The following CCDC159 variants were observed in gnomAD, a reference collection of about 807,000 sequenced individuals.
The protein encoded by CCDC159 is coiled-coil domain-containing protein 159.
A neutral mutation model predicts 50.9 loss-of-function variants in CCDC159; 40 were observed. That is an observed-to-expected ratio of 0.79 (90% CI 0.61 to 1.02). The LOEUF is 1.02. Among genes scored for constraint, CCDC159 ranks in the 50% least tolerant of loss-of-function variants. The pLI, the probability that CCDC159 is intolerant of heterozygous loss-of-function variation, is 0.00. For missense variants in CCDC159, 356 were observed against 371.5 expected (o/e 0.96, Z 0.34); for synonymous variants, 146 against 138.9 (o/e 1.05, Z -0.36).
chr19:11,346,534 C>A lies in CCDC159; in HGVS notation c.-73C>A. 1.3e-6 allele frequency: 2 copies of A among 1,515,452 alleles called. No individual in the cohort carries two copies. Among genetic ancestry groups the A allele is most frequent in the Admixed American group, 2.0e-5 (1 of 50,826 alleles). 93.9% of individuals were successfully genotyped at this position (1,515,452 alleles called of 1,614,324 possible). A position where few individuals can be genotyped will look rare whatever the true frequency, so the allele number is the denominator to read the frequency against. On this transcript the variant is annotated 5_prime_UTR_variant, in exon 1 of 11. Coordinates refer to ENST00000458408, the MANE Select transcript of CCDC159 (RefSeq NM_001080503.3). Reference sequence around the variant, plus strand: ...CCCTCTCTGTGACTCAGTCTCTGAGCGTTTTAATACGATGGTGTCCCCGCG... The same window carrying A: ...CCCTCTCTGTGACTCAGTCTCTGAGAGTTTTAATACGATGGTGTCCCCGCG...
chr19:11,354,542 C>T (rs1278411279), intron 9 of CCDC159, 38 bp from the exon 10 acceptor site: 2 of 1,538,462 alleles, frequency 1.3e-6, no homozygotes, highest in Non-Finnish European at 1.8e-6. Context: ...TTGGGGGTTA[C>T]TTGAGGGTCA....
intron 1 of CCDC159, among the ~76,000 whole-genome samples, chr19:11,347,050 G>T (rs756592518): frequency 1.3e-5 from 2 of 152,128 alleles, no homozygotes; most frequent in Non-Finnish European, 2.9e-5. Context: ...AGCTGGAAGG[G>T]ACAGAGCTAG....
At chr19:11,351,223 G>C in intron 5 of CCDC159, 1 of 510,398 alleles carries the variant, frequency 2.0e-6, no homozygotes, top group Non-Finnish European at 3.4e-6. Context: ...GATCACCTGA[G>C]GTCAGGAGTT....
At chr19:11,349,444 T>C in intron 1 of CCDC159, 1 of 622,842 alleles carries the variant, frequency 1.6e-6, no homozygotes, top group Non-Finnish European at 2.8e-6. Context: ...TGTGATCGTC[T>C]CTCAGCCACA....
chr19:11,353,792 GTC>G lies in CCDC159; in HGVS notation c.692_693del (p.Ser231CysfsTer44). The G allele has an allele frequency of 6.3e-7, 1 of 1,594,514 alleles. No homozygotes were observed. The highest frequency in any genetic ancestry group is 1.1e-5 in the South Asian group (1 of 87,876). ...CCCCCAGCTCCTTGTCTTCTTGCAG[GTC>G]TGCTGTGCACGTGCTGCAGAACTCC... ...DLQKELSDIW[S>X]AVHVLQNSID... On this transcript the variant is annotated frameshift_variant and splice_region_variant, in exon 9 of 11. Coordinates refer to ENST00000458408, the MANE Select transcript of CCDC159 (RefSeq NM_001080503.3). LOFTEE classifies it high-confidence loss of function.
intron 9 of CCDC159, among the ~76,000 whole-genome samples, chr19:11,354,328 T>C (rs1967759350): frequency 6.6e-6 from 1 of 151,824 alleles, no homozygotes; most frequent in Non-Finnish European, 1.5e-5. Context: ...AGGTTGAGGC[T>C]GCAGTGAGCC....
chr19:11,346,995 G>A (rs772501026), intron 1 of CCDC159, among the ~76,000 whole-genome samples: 18 of 152,132 alleles, frequency 1.2e-4, no homozygotes, highest in Admixed American at 4.6e-4. Context: ...TATAGTTGGG[G>A]ACACTGAGGC....
Position 11,354,511 on chromosome 19 carries a change from G to A in CCDC159, c.773-69G>A. The A allele has an allele frequency of 2.1e-6, 3 of 1,400,640 alleles. No homozygotes were observed. In the South Asian group the frequency reaches 4.1e-5, roughly 19 times the overall value. The allele number at this position is 1,400,640 out of a possible 1,614,324, so 86.8% of individuals were successfully genotyped here. On this transcript the variant is annotated intron_variant, in intron 9 of 10. Transcript: ENST00000458408. ...TTTAAGTATCAATGAGGTATACTAT[G>A]AAGGGACACAGGGCCTATATTTGGG...
At chr19:11,353,137 G>A (rs1385532590) in intron 7 of CCDC159, among the ~76,000 whole-genome samples, 4 of 151,882 alleles carry the variant, frequency 2.6e-5, no homozygotes, top group African/African-American at 4.8e-5. Context: ...TTTCCCTCTT[G>A]TTGCCCAGGC....
At chr19:11,354,406 A>G (rs899056642) in intron 9 of CCDC159, among the ~76,000 whole-genome samples, 174 bp from the exon 10 acceptor site, 3 of 152,134 alleles carry the variant, frequency 2.0e-5, no homozygotes, top group Non-Finnish European at 4.4e-5. Context: ...AAAAAGTGTC[A>G]ATTGGGTAAA....
At chr19:11,346,653 C>G in intron 1 of CCDC159, 26 bp downstream of exon 1, 1 of 1,550,324 alleles carries the variant, frequency 6.5e-7, no homozygotes, top group South Asian at 1.2e-5. Flanking sequence ...GGTTCTGGAG[C>G]CTGGCGGGTG....
Position 11,354,677 on chromosome 19 carries a change from C to A in CCDC159, c.870C>A (p.Ser290Arg). The A allele has an allele frequency of 1.9e-6, 3 of 1,606,148 alleles. No individual in the cohort carries two copies. ...TCTCCCAGCCACCTTTCAGCAAGAG[C>A]GGCCGCTCCTTCCCACCCGGTGCAG... ...QDLSQPPFSK[S>R]GRSFPPA is the part of the protein sequence containing the mutation. Residue 290 changes from serine to arginine, a missense_variant, in exon 10 of 11, where the codon AGC becomes AGA. Ser to Arg is a moderately radical substitution (Grantham distance 110). Coordinates refer to ENST00000458408, the MANE Select transcript of CCDC159 (RefSeq NM_001080503.3).
intron 4 of CCDC159, among the ~76,000 whole-genome samples, 152 bp from the exon 5 acceptor site, chr19:11,350,656 A>G (rs757656613): frequency 3.9e-5 from 6 of 152,074 alleles, no homozygotes; most frequent in South Asian, 2.1e-4. Flanking sequence ...TCTCAAAAGA[A>G]AAAAAGTCAG....
intron 4 of CCDC159, among the ~76,000 whole-genome samples, chr19:11,350,520 G>A (rs1322790093): frequency 1.3e-5 from 2 of 152,150 alleles, no homozygotes; most frequent in African/African-American, 4.8e-5. Flanking sequence ...AGGCGTGGTG[G>A]TATGCACCTG....
In CCDC159 at chr19:11,354,905, C is replaced by A; in HGVS notation, c.*28C>A. The A allele has an allele frequency of 6.2e-7, 1 of 1,612,554 alleles. No individual in the cohort carries two copies. The highest frequency in any genetic ancestry group is 8.5e-7 in the Non-Finnish European group (1 of 1,178,844). On this transcript the variant is annotated 3_prime_UTR_variant, in exon 11 of 11. Coordinates refer to ENST00000458408, the MANE Select transcript of CCDC159 (RefSeq NM_001080503.3). The stretch of plus-strand genomic sequence containing the variant: ...AGCCGGGACTGCTCTCCCTGAAGAC[C>A]CCTCCAGAGAGAAAATAAACTAGCC...
rs759752098 is a variant in CCDC159 at position 11,354,913 on chromosome 19, A to G, written c.*36A>G. On this transcript the variant is annotated 3_prime_UTR_variant, in exon 11 of 11. Coordinates refer to ENST00000458408, the MANE Select transcript of CCDC159 (RefSeq NM_001080503.3). Reference sequence around the variant, plus strand: ...CTGCTCTCCCTGAAGACCCCTCCAGAGAGAAAATAAACTAGCCCAGACCCT... The same window carrying G: ...CTGCTCTCCCTGAAGACCCCTCCAGGGAGAAAATAAACTAGCCCAGACCCT... 12 of 1,611,036 alleles carry G rather than the reference A, an allele frequency of 7.4e-6. No individual in the cohort carries two copies. The highest frequency in any genetic ancestry group is 1.3e-5 in the African/African-American group (1 of 74,882).
intron 1 of CCDC159, chr19:11,349,291 A>G (rs1967441043): frequency 1.3e-6 from 1 of 745,920 alleles, no homozygotes; most frequent in Middle Eastern, 3.9e-4. Flanking sequence ...AGAGACTCCC[A>G]TGAATGCACC....
chr19:11,354,535 G>A (rs1967774387), intron 9 of CCDC159, 45 bp from the exon 10 acceptor site: 4 of 1,518,468 alleles, frequency 2.6e-6, no homozygotes, highest in Non-Finnish European at 3.6e-6. Flanking sequence ...CCTATATTTG[G>A]GGGTTACTTG....
chr19:11,352,354 G>A (rs1168060392), intron 7 of CCDC159: 9 of 548,818 alleles, frequency 1.6e-5, no homozygotes, highest in South Asian at 6.1e-5. Context: ...GGTGGCTCAC[G>A]CCTGTAATCC....
Sources: gnomAD v4.1 joint callset for allele counts (sites outside exome capture counted in the v4.1 genomes callset) on GRCh38, gnomAD v4.1.1 for gene constraint, MANE v1.5 for transcripts, NCBI Gene and HGNC (gene_info 2026-07-23, HGNC 2026-07-21) for gene names.